Variants in CALN1 observed in about 807,000 individuals in gnomAD.
The protein encoded by CALN1 is calneuron 1.
A neutral mutation model predicts 30.6 loss-of-function variants in CALN1; 17 were observed. That is an observed-to-expected ratio of 0.56 (90% CI 0.38 to 0.83). The LOEUF (loss-of-function observed/expected upper bound fraction) is 0.83, where lower values mean the gene tolerates loss of function less well. Ranked by LOEUF, CALN1 falls within the 40% of genes least tolerant of loss-of-function variation. CALN1 has a pLI of 0.00. For missense variants in CALN1, 291 were observed against 354.9 expected, an observed-to-expected ratio of 0.82 and a Z score of 1.45; for synonymous variants, 156 against 131.4, an observed-to-expected ratio of 1.19 and a Z score of -1.28.
chr7:71,981,297 T>C (rs1022873111), intron 5 of CALN1, among the ~76,000 whole-genome samples: 3 of 152,060 alleles, frequency 2.0e-5, no homozygotes, highest in Non-Finnish European at 4.4e-5. Flanking sequence ...CCTTTCTGAT[T>C]GTGGGTCTTA....
At chr7:72,289,147 T>C (rs1798301994) in intron 2 of CALN1, among the ~76,000 whole-genome samples, 1 of 152,244 alleles carries the variant, frequency 6.6e-6, no homozygotes. Context: ...AATCTATAGG[T>C]ATACTTGCTG....
rs1459010459 is a variant in CALN1, at chr7:71,779,902, A to G, written c.*7873T>C. On this transcript the variant is annotated 3_prime_UTR_variant, in exon 7 of 7. Coordinates refer to ENST00000395275, the MANE Select transcript of CALN1 (RefSeq NM_031468.4). The stretch of plus-strand genomic sequence containing the variant: ...GCTCCAATCGTCCTGGCCATGATCA[A>G]TCCCCAGCTGTGCTTCTATTTACAC... The G allele has an allele frequency of 6.6e-6, 1 of 152,202 alleles. No homozygotes were observed. The highest frequency in any genetic ancestry group is 1.5e-5 in the Non-Finnish European group (1 of 68,050). The allele number at this position is 152,202 out of a possible 1,614,324, so 9.4% of individuals were successfully genotyped here.
At chr7:71,983,979 C>T (rs844701) in intron 5 of CALN1, among the ~76,000 whole-genome samples, 9,171 of 151,724 alleles carry the variant, frequency 0.06, 808 homozygotes, top group East Asian at 0.33. Flanking sequence ...AGATGATAAC[C>T]GCGCCAAAAG....
At chr7:72,176,036 C>A (rs898871372) in intron 3 of CALN1, among the ~76,000 whole-genome samples, 2 of 152,134 alleles carry the variant, frequency 1.3e-5, no homozygotes, top group Non-Finnish European at 2.9e-5. Context: ...CTCTCCCTCC[C>A]AGATAAGCAA....
At chr7:72,313,104 G>A (rs1299720930) in intron 2 of CALN1, among the ~76,000 whole-genome samples, 3 of 152,002 alleles carry the variant, frequency 2.0e-5, no homozygotes, top group African/African-American at 7.3e-5. Flanking sequence ...CAAAGTGCTG[G>A]GATTACAGGT....
intron 5 of CALN1, among the ~76,000 whole-genome samples, chr7:71,982,289 A>G (rs1196441972): frequency 6.6e-6 from 1 of 152,212 alleles, no homozygotes; most frequent in Non-Finnish European, 1.5e-5. Flanking sequence ...AAAACATTTT[A>G]AAAGATATTA....
intron 2 of CALN1, among the ~76,000 whole-genome samples, chr7:72,367,065 G>A (rs1378652562): frequency 2.6e-5 from 4 of 151,980 alleles, no homozygotes; most frequent in Non-Finnish European, 2.9e-5. Context: ...AGTCAAAGAC[G>A]ACAGATAAGG....
At chr7:72,202,456 C>T (rs1791508869) in intron 3 of CALN1, among the ~76,000 whole-genome samples, 1 of 152,086 alleles carries the variant, frequency 6.6e-6, no homozygotes, top group African/African-American at 2.4e-5. Flanking sequence ...AAAAAGAGAT[C>T]CTCACATAGA....
chr7:71,897,286 C>T (rs560176825), intron 5 of CALN1, among the ~76,000 whole-genome samples: 1 of 152,292 alleles, frequency 6.6e-6, no homozygotes, highest in South Asian at 2.1e-4. Context: ...GGAACTGTTG[C>T]ACCGGGACTT....
intron 3 of CALN1, among the ~76,000 whole-genome samples, chr7:72,139,833 A>G (rs1009287319): frequency 4.6e-5 from 7 of 152,118 alleles, no homozygotes; most frequent in Admixed American, 1.3e-4. Context: ...CTATGTTGCT[A>G]CTTCCCTTAT....
intron 5 of CALN1, among the ~76,000 whole-genome samples, chr7:72,009,651 T>C (rs1422020257): frequency 2.0e-5 from 3 of 152,190 alleles, no homozygotes; most frequent in Non-Finnish European, 2.9e-5. Flanking sequence ...GGAGGGACCA[T>C]CCCTGGGGGA....
At chr7:71,856,943 A>C (rs978941498) in intron 5 of CALN1, among the ~76,000 whole-genome samples, 1 of 152,060 alleles carries the variant, frequency 6.6e-6, no homozygotes, top group African/African-American at 2.4e-5. Context: ...TGACAGAGTG[A>C]GATTTTGTCT....
chr7:72,058,953 GT>G (rs1803464442), intron 4 of CALN1, among the ~76,000 whole-genome samples: 1 of 152,086 alleles, frequency 6.6e-6, no homozygotes, highest in Admixed American at 6.6e-5. Flanking sequence ...ACATGTTTCC[GT>G]TTCGTTGAAG....
chr7:72,376,657 T>C (rs1804575489), intron 2 of CALN1, among the ~76,000 whole-genome samples: 1 of 152,270 alleles, frequency 6.6e-6, no homozygotes. Context: ...TTCTGTGGGT[T>C]ATCTTTTCAC....
the CALN1 span, among the ~76,000 whole-genome samples, chr7:72,491,239 AAC>A: frequency 6.6e-6 from 1 of 151,806 alleles, no homozygotes; most frequent in African/African-American, 2.4e-5. Flanking sequence ...AAAAAAAAAA[AAC>A]AAAAACAAAA....
intron 5 of CALN1, among the ~76,000 whole-genome samples, chr7:71,894,463 C>T (rs180856314): frequency 2.4e-3 from 369 of 152,254 alleles, no homozygotes; most frequent in Non-Finnish European, 4.3e-3. Context: ...GACGGAGTCT[C>T]GTTATGTTGC....
intron 5 of CALN1, among the ~76,000 whole-genome samples, chr7:71,939,050 C>T (rs1795989509): frequency 6.6e-6 from 1 of 151,968 alleles, no homozygotes; most frequent in Admixed American, 6.6e-5. Flanking sequence ...CACAAGGAAA[C>T]CAAAGCTTTT....
At chr7:72,481,528 C>A in the CALN1 span, among the ~76,000 whole-genome samples, 2 of 152,106 alleles carry the variant, frequency 1.3e-5, no homozygotes, top group African/African-American at 4.8e-5. Context: ...TTATTTTGCT[C>A]TTCATTTTCT....
chr7:72,419,144 A>G (rs1485836929), intron 1 of CALN1, among the ~76,000 whole-genome samples: 1 of 152,110 alleles, frequency 6.6e-6, no homozygotes, highest in Non-Finnish European at 1.5e-5. Context: ...TGGACAACAC[A>G]CGAATGCCCT....
Sources: gnomAD v4.1 joint callset for allele counts (sites outside exome capture counted in the v4.1 genomes callset) on GRCh38, gnomAD v4.1.1 for gene constraint, MANE v1.5 for transcripts, NCBI Gene and HGNC (gene_info 2026-07-23, HGNC 2026-07-21) for gene names.